Variants in SVBP observed in about 807,000 individuals in gnomAD.
The protein encoded by SVBP is small vasohibin binding protein, also known as small vasohibin-binding protein.
Under a neutral mutation model 9.2 loss-of-function variants are expected in SVBP, and 9 were observed. The ratio of observed to expected loss-of-function variants is 0.98; its 90% CI spans 0.59 to 1.71. The LOEUF is 1.71. Ranked by LOEUF, SVBP falls within the 40% of genes most tolerant of loss-of-function variation. The pLI, the probability that SVBP is intolerant of heterozygous loss-of-function variation, is 0.00. For missense variants in SVBP, 63 were observed against 73.2 expected (o/e 0.86, Z 0.51); for synonymous variants, 27 against 23.9 (o/e 1.13, Z -0.37).
intron 2 of SVBP, among the ~76,000 whole-genome samples, chr1:42,810,156 A>G (rs535590234): frequency 4.1e-5 from 6 of 145,234 alleles, no homozygotes; most frequent in South Asian, 2.1e-4. Context: ...ACACACACAT[A>G]TATTTTTTTT....
At position 42,817,276 on chromosome 1, in the gene SVBP, C is replaced by G; in HGVS notation, c.-123G>C. On this transcript the variant is annotated 5_prime_UTR_variant, in exon 1 of 3. Transcript: ENST00000372521. Reference sequence around the variant, plus strand: ...AGGGTAATCCTCGCCTTCCCCCGACCACTGGACCCAGCGCTGCCTGCCCAC... The same window carrying G: ...AGGGTAATCCTCGCCTTCCCCCGACGACTGGACCCAGCGCTGCCTGCCCAC... 8.1e-7 allele frequency: 1 copy of G among 1,232,912 alleles called. No individual in the cohort carries two copies. Among genetic ancestry groups the G allele is most frequent in the Non-Finnish European group, 1.0e-6 (1 of 958,744 alleles). 76.4% of individuals were successfully genotyped at this position (1,232,912 alleles called of 1,614,324 possible).
chr1:42,817,126 T>TCCCTCTC, intron 1 of SVBP, 64 bp downstream of exon 1: 1 of 1,176,292 alleles, frequency 8.5e-7, no homozygotes, highest in Non-Finnish European at 1.1e-6. Context: ...CCTGCCCTCT[T>TCCCTCTC]CCCTCTCCTG....
chr1:42,814,592 G>A (rs1654156826), intron 2 of SVBP, among the ~76,000 whole-genome samples: 1 of 118,250 alleles, frequency 8.5e-6, no homozygotes, highest in Non-Finnish European at 1.7e-5. Context: ...CTCCAGCCTG[G>A]GTGACAGAGC....
At chr1:42,809,672 G>A (rs1185836591) in intron 2 of SVBP, among the ~76,000 whole-genome samples, 1 of 152,104 alleles carries the variant, frequency 6.6e-6, no homozygotes. Context: ...AAGAAAAATG[G>A]AATTCTACAC....
At chr1:42,817,082 C>T in intron 1 of SVBP, 108 bp downstream of exon 1, 2 of 706,772 alleles carry the variant, frequency 2.8e-6, no homozygotes, top group Non-Finnish European at 3.6e-6. Flanking sequence ...GACCCCGCCC[C>T]GGCCCGCCCG....
At chr1:42,814,158 G>A (rs375102655) in intron 2 of SVBP, among the ~76,000 whole-genome samples, 64 of 148,864 alleles carry the variant, frequency 4.3e-4, no homozygotes, top group African/African-American at 1.5e-3. Context: ...GCACAATCTC[G>A]GCAACCTCCG....
chr1:42,810,125 TACACACAC>T (rs60221264), intron 2 of SVBP, among the ~76,000 whole-genome samples: 18 of 141,028 alleles, frequency 1.3e-4, no homozygotes, highest in South Asian at 7.1e-4. Context: ...CATACATACA[TACACACAC>T]ACACACACAC....
intron 2 of SVBP, chr1:42,813,893 CAG>C (rs976542034): frequency 7.8e-6 from 2 of 255,256 alleles, no homozygotes; most frequent in African/African-American, 4.5e-5. Context: ...CCACAGCTCT[CAG>C]GGGGTCTGCC....
chr1:42,811,697 T>C (rs1486684374), intron 2 of SVBP, among the ~76,000 whole-genome samples: 3 of 152,220 alleles, frequency 2.0e-5, no homozygotes, highest in Non-Finnish European at 4.4e-5. Flanking sequence ...GTAGATGTTA[T>C]CCTCATTTTA....
Position 42,817,291 on chromosome 1 carries a change from T to C in SVBP, c.-138A>G, listed in dbSNP as rs760859644. ...TTCCCCCGACCACTGGACCCAGCGC[T>C]GCCTGCCCACCGCCCCTCGTCCTGG... On this transcript the variant is annotated 5_prime_UTR_variant, in exon 1 of 3. Transcript: ENST00000372521. 16 of 1,207,900 alleles carry C rather than the reference T, an allele frequency of 1.3e-5. No individual in the cohort carries two copies. The highest frequency in any genetic ancestry group is 3.3e-5 in the African/African-American group (2 of 61,010). 74.8% of individuals were successfully genotyped at this position (1,207,900 alleles called of 1,614,324 possible). A position where few individuals can be genotyped will look rare whatever the true frequency, so the allele number is the denominator to read the frequency against.
chr1:42,808,002 AG>A (rs1653995979), intron 2 of SVBP, among the ~76,000 whole-genome samples: 1 of 151,540 alleles, frequency 6.6e-6, no homozygotes, highest in African/African-American at 2.4e-5. Flanking sequence ...ATTATAGAGT[AG>A]GGGTTGGGGA....
At chr1:42,812,909 C>A (rs1187198855) in intron 2 of SVBP, among the ~76,000 whole-genome samples, 14 of 152,124 alleles carry the variant, frequency 9.2e-5, no homozygotes, top group Non-Finnish European at 1.8e-4. Context: ...TTTCCCTATT[C>A]ATTCTACTTG....
chr1:42,811,890 A>C (rs1235315555), intron 2 of SVBP, among the ~76,000 whole-genome samples: 2 of 152,214 alleles, frequency 1.3e-5, no homozygotes, highest in Non-Finnish European at 2.9e-5. Context: ...CTATCCTTAC[A>C]ATATGCACAG....
In SVBP at chr1:42,807,263, A is replaced by C. The variant is rs1653979508; in HGVS notation, c.*151T>G. On this transcript the variant is annotated 3_prime_UTR_variant, in exon 3 of 3. Transcript: ENST00000372521. ...CAATTCAGATGGGAGGAACCAGTGAAGTTAGAAGTTACACACAGGAAGTGA... is the reference window on the plus strand; with the variant it reads ...CAATTCAGATGGGAGGAACCAGTGACGTTAGAAGTTACACACAGGAAGTGA... 4.1e-6 allele frequency: 2 copies of C among 484,554 alleles called. No individual in the cohort carries two copies. Among genetic ancestry groups the C allele is most frequent in the East Asian group, 6.2e-5 (2 of 32,342 alleles). The allele number at this position is 484,554 out of a possible 1,614,324, so 30.0% of individuals were successfully genotyped here.
At chr1:42,817,138 A>T (rs1207981388) in intron 1 of SVBP, 52 bp downstream of exon 1, 3 of 1,175,260 alleles carry the variant, frequency 2.6e-6, no homozygotes, top group Non-Finnish European at 3.2e-6. Context: ...CCTCTCCTGG[A>T]GGAAAATGGC....
intron 2 of SVBP, among the ~76,000 whole-genome samples, chr1:42,812,524 AAC>A (rs1219241304): frequency 6.6e-6 from 1 of 152,256 alleles, no homozygotes; most frequent in Non-Finnish European, 1.5e-5. Flanking sequence ...GGACAGTAGC[AAC>A]ACACAGACTT....
In SVBP at chr1:42,807,194, C is replaced by G; in HGVS notation, c.*220G>C. The G allele has an allele frequency of 3.2e-6, 1 of 315,204 alleles. No homozygotes were observed. Among genetic ancestry groups the G allele is most frequent in the African/African-American group, 2.2e-5 (1 of 44,828 alleles). 19.5% of individuals were successfully genotyped at this position (315,204 alleles called of 1,614,324 possible). A position where few individuals can be genotyped will look rare whatever the true frequency, so the allele number is the denominator to read the frequency against. ...TAAAAAAACCCAAAAAACAAAACCA[C>G]TGTCTTAGAAGAAGAAAACAAGTCT... On this transcript the variant is annotated 3_prime_UTR_variant, in exon 3 of 3. Transcript: ENST00000372521.
intron 2 of SVBP, among the ~76,000 whole-genome samples, chr1:42,811,082 T>G (rs1366754232): frequency 6.6e-6 from 1 of 152,094 alleles, no homozygotes; most frequent in African/African-American, 2.4e-5. Context: ...GAGGTTGCAC[T>G]GAGTCGAGAT....
At chr1:42,812,045 TAA>T (rs761597068) in intron 2 of SVBP, among the ~76,000 whole-genome samples, 36 of 142,284 alleles carry the variant, frequency 2.5e-4, no homozygotes, top group Non-Finnish European at 2.3e-4. Flanking sequence ...TCCTTGGATT[TAA>T]AAAAAAAAAA....
Sources: allele counts gnomAD v4.1 joint callset (sites outside exome capture counted in the v4.1 genomes callset), GRCh38; gene constraint gnomAD v4.1.1; transcripts MANE v1.5; gene names NCBI Gene and HGNC (gene_info 2026-07-23, HGNC 2026-07-21).